The following HLCS variants were observed in gnomAD, a reference collection of about 807,000 sequenced individuals.
HLCS encodes the protein holocarboxylase synthetase, also known as biotin--protein ligase.
Under a neutral mutation model 75.0 loss-of-function variants are expected in HLCS, and 53 were observed. The observed-to-expected ratio is 0.71, with a 90% CI of 0.57 to 0.89. The LOEUF (loss-of-function observed/expected upper bound fraction) is 0.89, where lower values mean the gene tolerates loss of function less well. Ranked by LOEUF, HLCS falls within the 40% of genes least tolerant of loss-of-function variation. The probability of loss-of-function intolerance (pLI) is 0.00; values close to 1 mark genes in which losing one functional copy is unlikely to be tolerated. For synonymous variants in HLCS, 431 were observed against 428.6 expected, an observed-to-expected ratio of 1.01 and a Z score of -0.07; for missense variants, 966 against 1,074.0, an observed-to-expected ratio of 0.90 and a Z score of 1.41.
rs1468902937 is a variant in HLCS, at chr21:36,765,122, G to C, written c.2011C>G (p.Leu671Val). The C allele has an allele frequency of 3.1e-6, 5 of 1,614,116 alleles. No homozygotes were observed. Among genetic ancestry groups the C allele is most frequent in the Non-Finnish European group, 4.2e-6 (5 of 1,179,938 alleles). Residue 671 changes from leucine (L) to valine (V), a missense_variant, in exon 8 of 11, where the codon CTG becomes GTG. Leu to Val is a conservative substitution (Grantham distance 32). Coordinates refer to ENST00000674895, the MANE Select transcript of HLCS (RefSeq NM_001352514.2). The stretch of plus-strand genomic sequence containing the variant: ...GATCTCAGTGGAATGGAGATGAGCA[G>C]AGTAGAAAGAGCACATCCCACAGGG... ...LSPVGCALSTLLISIPLRSQL... is the reference protein window; with the variant it reads ...LSPVGCALSTVLISIPLRSQL...
chr21:36,849,958 C>T (rs1022841349), intron 6 of HLCS, among the ~76,000 whole-genome samples: 1 of 152,192 alleles, frequency 6.6e-6, no homozygotes, highest in African/African-American at 2.4e-5. Flanking sequence ...CCTCTCCTGG[C>T]CTCCTTGTAC....
At chr21:36,917,145 C>T (rs2065967830) in intron 5 of HLCS, among the ~76,000 whole-genome samples, 1 of 152,024 alleles carries the variant, frequency 6.6e-6, no homozygotes, top group Non-Finnish European at 1.5e-5. Flanking sequence ...AAGGATTTTC[C>T]CCAGAAGCTT....
chr21:36,901,437 AT>A (rs2065233020), intron 5 of HLCS, among the ~76,000 whole-genome samples: 2 of 152,210 alleles, frequency 1.3e-5, no homozygotes, highest in African/African-American at 2.4e-5. Context: ...TAAAAAGAGG[AT>A]GCAAAGTAGG....
At chr21:36,764,523 G>T (rs1018706524) in intron 8 of HLCS, among the ~76,000 whole-genome samples, 7 of 152,110 alleles carry the variant, frequency 4.6e-5, no homozygotes, top group African/African-American at 1.7e-4. Context: ...GGGCCACATG[G>T]TGAAACCCCA....
At chr21:36,960,552 G>A (rs1007244621) in intron 2 of HLCS, among the ~76,000 whole-genome samples, 3 of 152,118 alleles carry the variant, frequency 2.0e-5, no homozygotes, top group Non-Finnish European at 4.4e-5. Context: ...AAAGTCTCTC[G>A]CTATCCTATA....
chr21:36,945,689 T>A (rs1031890356), intron 2 of HLCS, among the ~76,000 whole-genome samples: 1 of 152,214 alleles, frequency 6.6e-6, no homozygotes, highest in Non-Finnish European at 1.5e-5. Context: ...CTGACAAGTG[T>A]GTGGTTTCTT....
At chr21:36,821,707 C>G (rs763437190) in intron 6 of HLCS, among the ~76,000 whole-genome samples, 13 of 152,212 alleles carry the variant, frequency 8.5e-5, no homozygotes, top group Non-Finnish European at 1.6e-4. Context: ...ACACAAAACA[C>G]TTTCCGCATT....
intron 1 of HLCS, chr21:36,980,570 C>G (rs1484926346): frequency 2.0e-5 from 3 of 152,310 alleles, no homozygotes; most frequent in Non-Finnish European, 2.9e-5. Context: ...GCCTGAGTCC[C>G]CCGTGGAAGC....
intron 10 of HLCS, among the ~76,000 whole-genome samples, chr21:36,755,743 T>C (rs1026559458): frequency 2.6e-5 from 4 of 152,242 alleles, no homozygotes; most frequent in Admixed American, 6.5e-5. Flanking sequence ...AGGCCTGTTG[T>C]TGTGGAATCA....
In HLCS at chr21:36,842,915, C is replaced by G. The variant is rs2062665390; in HGVS notation, c.1892+53945G>C. On this transcript the variant is annotated intron_variant, in intron 6 of 10. Transcript: ENST00000674895. This position sits in a 1 kb window ranked among gnomAD's most constrained non-coding sequence, Gnocchi z 4.2. ...CCCGGGCCAGGGAGCAACATCCTCT[C>G]TCACCAATGATCTCTTTACATTTCT... Among the ~76,000 whole-genome samples the G allele has an allele frequency of 6.6e-6, 1 of 152,240 alleles. No individual in the cohort carries two copies. The highest frequency in any genetic ancestry group is 1.5e-5 in the Non-Finnish European group (1 of 68,048).
chr21:36,873,511 C>A (rs978818698), intron 6 of HLCS, among the ~76,000 whole-genome samples: 1 of 152,194 alleles, frequency 6.6e-6, no homozygotes, highest in Non-Finnish European at 1.5e-5. Flanking sequence ...TGTAGAAGTT[C>A]TTTGTATATG....
chr21:36,791,991 A>G (rs761122540), intron 6 of HLCS, among the ~76,000 whole-genome samples: 3 of 152,168 alleles, frequency 2.0e-5, no homozygotes, highest in Non-Finnish European at 4.4e-5. Flanking sequence ...GGCAGCGGAA[A>G]AAAACCTCAT....
At chr21:36,850,595 C>T (rs987949607) in intron 6 of HLCS, among the ~76,000 whole-genome samples, 8 of 150,980 alleles carry the variant, frequency 5.3e-5, no homozygotes, top group African/African-American at 1.7e-4. Flanking sequence ...CTGTCCTTAG[C>T]GCCTTGAGTC....
chr21:36,893,057 G>C (rs564662881), intron 6 of HLCS, among the ~76,000 whole-genome samples: 1 of 152,194 alleles, frequency 6.6e-6, no homozygotes, highest in African/African-American at 2.4e-5. Context: ...TTACAGGCAT[G>C]AGCCACAAAA....
chr21:36,810,291 C>T (rs377765664), intron 6 of HLCS, among the ~76,000 whole-genome samples: 2 of 152,196 alleles, frequency 1.3e-5, no homozygotes, highest in South Asian at 2.1e-4. Context: ...ATTAGCTGAA[C>T]CTGAACTGCA....
chr21:36,874,246 C>CA (rs1176170676), intron 6 of HLCS, among the ~76,000 whole-genome samples: 1 of 151,882 alleles, frequency 6.6e-6, no homozygotes, highest in Non-Finnish European at 1.5e-5. Flanking sequence ...ACTAAAAATA[C>CA]AAAAAATTAG....
At chr21:36,823,611 G>GT (rs33944296) in intron 6 of HLCS, among the ~76,000 whole-genome samples, 1 of 55,500 alleles carries the variant, frequency 1.8e-5, no homozygotes, top group African/African-American at 1.1e-4. Context: ...AACGTGCAGG[G>GT]TGTGTGTGTG....
intron 6 of HLCS, among the ~76,000 whole-genome samples, chr21:36,821,712 C>T (rs1456083534): frequency 2.6e-5 from 4 of 152,278 alleles, no homozygotes; most frequent in East Asian, 3.9e-4. Flanking sequence ...AAACACTTTC[C>T]GCATTTTGTC....
intron 6 of HLCS, among the ~76,000 whole-genome samples, chr21:36,818,391 G>A (rs1412477744): frequency 6.6e-6 from 1 of 152,212 alleles, no homozygotes; most frequent in Non-Finnish European, 1.5e-5. Flanking sequence ...ATTAGATTCT[G>A]AGTGTCTAAA....
Sources: allele counts gnomAD v4.1 joint callset (sites outside exome capture counted in the v4.1 genomes callset), GRCh38; gene constraint gnomAD v4.1.1; non-coding constraint Gnocchi (gnomAD v3.1); transcripts MANE v1.5; gene names NCBI Gene and HGNC (gene_info 2026-07-23, HGNC 2026-07-21).